Variants in NLRP5 observed in about 807,000 individuals in gnomAD.
The protein encoded by NLRP5 is NACHT, LRR and PYD domains-containing protein 5.
Under a neutral mutation model 113.1 loss-of-function variants are expected in NLRP5, and 93 were observed. That is an observed-to-expected ratio of 0.82 (90% CI 0.70 to 0.98). The LOEUF is 0.98. Among genes scored for constraint, NLRP5 ranks in the 50% least tolerant of loss-of-function variants. NLRP5 has a pLI of 0.00. For missense variants in NLRP5, 1,808 were observed against 1,514.3 expected (o/e 1.19, Z -3.22); for synonymous variants, 751 against 600.7 (o/e 1.25, Z -3.66).
intron 7 of NLRP5, among the ~76,000 whole-genome samples, chr19:56,029,174 A>G (rs1052969790): frequency 6.6e-5 from 10 of 152,186 alleles, no homozygotes; most frequent in African/African-American, 2.4e-4. Context: ...GTCCAGTAGG[A>G]CAGCCACCAG....
At chr19:56,034,874 AGT>A (rs1229169618) in intron 9 of NLRP5, among the ~76,000 whole-genome samples, 4 of 152,170 alleles carry the variant, frequency 2.6e-5, no homozygotes, top group African/African-American at 9.7e-5. Context: ...GTGGTTTGTA[AGT>A]CCTGGGAAGG....
At chr19:56,039,620 G>A (rs1176099147) in intron 10 of NLRP5, among the ~76,000 whole-genome samples, 1 of 152,136 alleles carries the variant, frequency 6.6e-6, no homozygotes, top group East Asian at 1.9e-4. Flanking sequence ...TACATAAAAA[G>A]CTGCTTAAAT....
In NLRP5 at chr19:56,050,607, T is replaced by C. The variant is rs1169104890; in HGVS notation, c.3128+19T>C. ...ACCTGGAGTGAGTTTCCCATGGGCG[T>C]TGGGTCAACTCTATCATACTGGGGT... is the stretch of plus-strand genomic sequence containing the variant. On this transcript the variant is annotated intron_variant, in intron 12 of 14. Coordinates refer to ENST00000390649, the MANE Select transcript of NLRP5 (RefSeq NM_153447.4). 3 of 1,610,562 alleles carry C rather than the reference T, an allele frequency of 1.9e-6. No homozygotes were observed. The highest frequency in any genetic ancestry group is 2.7e-5 in the African/African-American group (2 of 74,806).
At chr19:55,987,738 C>CA in the NLRP5 span, 17 of 1,096,768 alleles carry the variant, frequency 1.6e-5, no homozygotes, top group Non-Finnish European at 2.1e-5. Flanking sequence ...AGCATAGAGA[C>CA]AAAATGCAAG....
intron 1 of NLRP5, among the ~76,000 whole-genome samples, chr19:56,002,163 G>A (rs1981679754): frequency 6.6e-6 from 1 of 152,086 alleles, no homozygotes. Flanking sequence ...GGTGATTTAC[G>A]ACATTAATCT....
At chr19:55,988,438 G>GTATATATATATATATATA in the NLRP5 span, 129 of 91,736 alleles carry the variant, frequency 1.4e-3, no homozygotes, top group Non-Finnish European at 1.9e-3. Context: ...ATATATATGT[G>GTATATATATATATATATA]TGTGTGTATA....
chr19:56,061,579 C>T lies in NLRP5; in HGVS notation c.*51C>T, dbSNP rs756903726. The T allele has an allele frequency of 5.5e-5, 88 of 1,605,834 alleles. No homozygotes were observed. Among genetic ancestry groups the T allele is most frequent in the East Asian group, 1.8e-4 (8 of 44,762 alleles). ...ACCCATCTGATGGAGGAACTTTAAACGCTGTTTTCTCAGAGCAAGCTATGC... is the reference window on the plus strand; with the variant it reads ...ACCCATCTGATGGAGGAACTTTAAATGCTGTTTTCTCAGAGCAAGCTATGC... On this transcript the variant is annotated 3_prime_UTR_variant, in exon 15 of 15. Coordinates refer to ENST00000390649, the MANE Select transcript of NLRP5 (RefSeq NM_153447.4).
chr19:56,001,779 A>T (rs1981661295), intron 1 of NLRP5, among the ~76,000 whole-genome samples: 1 of 152,212 alleles, frequency 6.6e-6, no homozygotes, highest in Admixed American at 6.5e-5. Context: ...ATGTCAAGCA[A>T]GGGTGATCTC....
In NLRP5 at chr19:56,061,437, T is replaced by G; in HGVS notation, c.3512T>G (p.Leu1171Arg). The change falls in exon 15 of 15, where the codon CTG (leucine) becomes CGG (arginine). Residue 1171 changes from leucine (L) to arginine (R), a missense_variant. Transcript: ENST00000390649. ...TACCCTGTGCAAATAAGGAAGCTGC[T>G]GGAGGAAGTGCAGCTACTCAAGCCC... 2.5e-6 allele frequency: 4 copies of G among 1,613,904 alleles called. No individual in the cohort carries two copies. Among genetic ancestry groups the G allele is most frequent in the Non-Finnish European group, 3.4e-6 (4 of 1,179,784 alleles).
chr19:56,022,021 G>T (rs1982634822), intron 6 of NLRP5, among the ~76,000 whole-genome samples: 1 of 152,212 alleles, frequency 6.6e-6, no homozygotes, highest in African/African-American at 2.4e-5. Context: ...TGTTGATCCT[G>T]TGTGAGCTAC....
At chr19:56,029,163 T>C (rs1982996662) in intron 7 of NLRP5, among the ~76,000 whole-genome samples, 1 of 152,186 alleles carries the variant, frequency 6.6e-6, no homozygotes, top group African/African-American at 2.4e-5. Flanking sequence ...CCATGTGCCT[T>C]GTCCAGTAGG....
chr19:56,048,716 T>C (rs1011533733), intron 11 of NLRP5, among the ~76,000 whole-genome samples: 2 of 152,160 alleles, frequency 1.3e-5, no homozygotes, highest in African/African-American at 4.8e-5. Flanking sequence ...TTTTTGTGAT[T>C]AATTTCCTGG....
At chr19:56,036,315 C>A (rs1422385326) in intron 9 of NLRP5, among the ~76,000 whole-genome samples, 1 of 151,692 alleles carries the variant, frequency 6.6e-6, no homozygotes, top group Non-Finnish European at 1.5e-5. Context: ...GATCTGCCCG[C>A]CTCGGCCTCC....
intron 6 of NLRP5, among the ~76,000 whole-genome samples, chr19:56,026,542 A>AAG (rs1982857986): frequency 6.7e-6 from 1 of 150,332 alleles, no homozygotes; most frequent in Admixed American, 6.6e-5. Flanking sequence ...AAAAAAAAAA[A>AAG]AAAAAAATAG....
intron 3 of NLRP5, among the ~76,000 whole-genome samples, chr19:56,014,967 G>T (rs1324469854): frequency 6.6e-6 from 1 of 152,138 alleles, no homozygotes; most frequent in Non-Finnish European, 1.5e-5. Context: ...ATTTTGATGA[G>T]ATTGCATTAT....
chr19:56,011,370 G>A (rs1393167119), intron 3 of NLRP5, among the ~76,000 whole-genome samples: 1 of 152,040 alleles, frequency 6.6e-6, no homozygotes, highest in East Asian at 1.9e-4. Context: ...GACTAAGAGG[G>A]CAGGGTTTTT....
chr19:56,004,024 C>T lies in NLRP5; in HGVS notation c.371C>T (p.Ala124Val). ...TATTATGGAGCATCGCTGGCCTGGGCTACGTCCATTAGCATCTTTGAAAAC... is the reference window on the plus strand; with the variant it reads ...TATTATGGAGCATCGCTGGCCTGGGTTACGTCCATTAGCATCTTTGAAAAC... The change falls in exon 2 of 15, where the codon GCT (alanine) becomes GTT (valine). Residue 124 changes from alanine to valine, a missense_variant. Transcript: ENST00000390649. The T allele has an allele frequency of 6.2e-7, 1 of 1,613,906 alleles. No individual in the cohort carries two copies. The highest frequency in any genetic ancestry group is 8.5e-7 in the Non-Finnish European group (1 of 1,179,860).
intron 13 of NLRP5, among the ~76,000 whole-genome samples, chr19:56,054,585 C>T (rs925088305): frequency 3.0e-5 from 4 of 134,584 alleles, no homozygotes; most frequent in East Asian, 2.1e-4. Context: ...AAAAAAAAAA[C>T]GTGCTGATAC....
At chr19:55,989,335 A>G in the NLRP5 span, among the ~76,000 whole-genome samples, 1 of 151,974 alleles carries the variant, frequency 6.6e-6, no homozygotes, top group Non-Finnish European at 1.5e-5. Flanking sequence ...TACTCACTGC[A>G]CCCTCCGCCT....
Sources: allele counts gnomAD v4.1 joint callset (sites outside exome capture counted in the v4.1 genomes callset), GRCh38; gene constraint gnomAD v4.1.1; transcripts MANE v1.5; gene names NCBI Gene and HGNC (gene_info 2026-07-23, HGNC 2026-07-21).